The following UNC13B variants were observed in gnomAD, a reference collection of about 807,000 sequenced individuals.
The protein encoded by UNC13B is protein unc-13 homolog B.
A neutral mutation model predicts 211.0 loss-of-function variants in UNC13B; 144 were observed. That is an observed-to-expected ratio of 0.68 (90% CI 0.60 to 0.78). The LOEUF is 0.78. Among genes scored for constraint, UNC13B ranks in the 30% least tolerant of loss-of-function variants. The pLI is 0.00. For synonymous variants in UNC13B, 709 were observed against 725.8 expected (o/e 0.98, Z 0.37); for missense variants, 1,777 against 2,002.0 (o/e 0.89, Z 2.14).
chr9:35,352,555 G>A, intron 11 of UNC13B: 2 of 1,232,136 alleles, frequency 1.6e-6, no homozygotes, highest in Middle Eastern at 3.1e-4. Context: ...TTCTTCAGAT[G>A]GAAACAGGGG....
intron 11 of UNC13B, among the ~76,000 whole-genome samples, chr9:35,328,342 T>C (rs1831138597): frequency 1.3e-5 from 2 of 152,210 alleles, no homozygotes; most frequent in South Asian, 2.1e-4. Flanking sequence ...CTTTTAAACA[T>C]GAGCAAAGTC....
chr9:35,317,782 C>G (rs1830540687), intron 11 of UNC13B, among the ~76,000 whole-genome samples: 1 of 150,946 alleles, frequency 6.6e-6, no homozygotes, highest in Non-Finnish European at 1.5e-5. Flanking sequence ...AGTGATCCAC[C>G]TGGCTCAGCC....
At position 35,310,654 on chromosome 9, in the gene UNC13B, T is replaced by C. The variant is rs369798372; in HGVS notation, c.9196T>C (p.Leu3066=). 19 of 1,613,712 alleles carry C rather than the reference T, an allele frequency of 1.2e-5. No homozygotes were observed. The highest frequency in any genetic ancestry group is 1.4e-5 in the Non-Finnish European group (17 of 1,179,936). Residue 3066 remains leucine (L), a synonymous_variant, in exon 10 of 40, where the codon TTG becomes CTG. Coordinates refer to ENST00000635942, the MANE Select transcript of UNC13B (RefSeq NM_001371189.2). ...QAGFGEQEKP[L]EVTGQAEKEA... ...AGGTTTTGGAGAACAAGAGAAACCC[T>C]TGGAGGTGACAGGTCAAGCAGAGAA...
rs1195256411 is a variant in UNC13B, at chr9:35,213,347, C to T, written c.23-14668C>T. ...GTCTCCCCTGCATCTGGTATCAGGA[C>T]ACAGTGAGAGCGCAGCCATCTGCAA... On this transcript the variant is annotated intron_variant, in intron 1 of 39. Coordinates refer to ENST00000635942, the MANE Select transcript of UNC13B (RefSeq NM_001371189.2). 2.7e-5 allele frequency among the ~76,000 whole-genome samples: 4 copies of T among 149,748 alleles called. No homozygotes were observed. The Admixed American group carries it at 2.8e-4, about 10-fold the overall frequency.
At chr9:35,247,014 C>A (rs1454924001) in intron 6 of UNC13B, among the ~76,000 whole-genome samples, 1 of 152,152 alleles carries the variant, frequency 6.6e-6, no homozygotes. Context: ...TTGTTTATAT[C>A]CTTTTTTATT....
chr9:35,246,857 C>G (rs1043202169), intron 6 of UNC13B, among the ~76,000 whole-genome samples: 3 of 152,038 alleles, frequency 2.0e-5, no homozygotes, highest in African/African-American at 4.8e-5. Context: ...TCCATATGAA[C>G]TTTAAAGTAG....
chr9:35,227,935 T>TA, intron 1 of UNC13B, 80 bp from the exon 2 acceptor site: 1 of 1,196,758 alleles, frequency 8.4e-7, no homozygotes, highest in South Asian at 1.3e-5. Flanking sequence ...CTAACATTGG[T>TA]ATGTAGTGCC....
At chr9:35,263,232 A>G (rs553745369) in intron 7 of UNC13B, among the ~76,000 whole-genome samples, 6 of 152,290 alleles carry the variant, frequency 3.9e-5, no homozygotes, top group Non-Finnish European at 7.4e-5. Context: ...AAAATTTGAA[A>G]ATGACTTAAT....
chr9:35,245,085 C>T (rs1283613362), intron 6 of UNC13B, among the ~76,000 whole-genome samples: 1 of 152,152 alleles, frequency 6.6e-6, no homozygotes, highest in Non-Finnish European at 1.5e-5. Context: ...TGTTTTCGTT[C>T]TTCCCAAGCC....
intron 6 of UNC13B, among the ~76,000 whole-genome samples, chr9:35,253,498 C>T (rs949547046): frequency 5.3e-5 from 8 of 152,032 alleles, no homozygotes; most frequent in Admixed American, 5.2e-4. Flanking sequence ...TAAAAGGAAA[C>T]CCATGTGTAT....
chr9:35,268,488 G>A (rs1049356364), intron 7 of UNC13B, among the ~76,000 whole-genome samples: 2 of 152,126 alleles, frequency 1.3e-5, no homozygotes, highest in African/African-American at 2.4e-5. Flanking sequence ...GTGTGGTGGC[G>A]GGCACCTGTA....
At chr9:35,277,735 A>G (rs1432592372) in intron 7 of UNC13B, among the ~76,000 whole-genome samples, 1 of 151,678 alleles carries the variant, frequency 6.6e-6, no homozygotes, top group African/African-American at 2.4e-5. Flanking sequence ...CACAACCTAG[A>G]CTCAAGTCCG....
chr9:35,374,723 C>T (rs1045131844), intron 13 of UNC13B, among the ~76,000 whole-genome samples: 3 of 152,194 alleles, frequency 2.0e-5, no homozygotes, highest in African/African-American at 7.2e-5. Context: ...TCCATAATGG[C>T]TCTTGAATGT....
At chr9:35,226,856 G>T (rs1475932610) in intron 1 of UNC13B, among the ~76,000 whole-genome samples, 1 of 151,292 alleles carries the variant, frequency 6.6e-6, no homozygotes, top group African/African-American at 2.5e-5. Context: ...ACACAGCCAG[G>T]AACAATACTT....
chr9:35,352,171 C>A lies in UNC13B; in HGVS notation c.9415-14776C>A, dbSNP rs1442456678. The A allele has an allele frequency of 5.7e-6, 7 of 1,232,048 alleles. 1 individual carries two copies. The African/African-American group carries it at 1.1e-4, about 19-fold the overall frequency. 76.3% of individuals were successfully genotyped at this position (1,232,048 alleles called of 1,614,324 possible). The stretch of plus-strand genomic sequence containing the variant: ...CCCAGGAACCCCACGTGGACAGACC[C>A]AGTGAGGAAGCCATTCTGTATTTGT... On this transcript the variant is annotated intron_variant, in intron 11 of 39. Coordinates refer to ENST00000635942, the MANE Select transcript of UNC13B (RefSeq NM_001371189.2).
In UNC13B at chr9:35,389,903, C is replaced by T. The variant is rs571556968; in HGVS notation, c.11152C>T (p.Pro3718Ser). 2 of 1,614,126 alleles carry T rather than the reference C, an allele frequency of 1.2e-6. No individual in the cohort carries two copies. Among genetic ancestry groups the T allele is most frequent in the African/African-American group, 2.7e-5 (2 of 75,020 alleles). Reference protein sequence around the residue: ...GPSIRNLDFWPKLITLIVSII... With the variant: ...GPSIRNLDFWSKLITLIVSII... ...CAGCATTCGGAACCTGGATTTCTGG[C>T]CCAAGCTCATCACACTCATCGTGTC... is the stretch of plus-strand genomic sequence containing the variant. The change falls in exon 25 of 40, where the codon CCC (proline) becomes TCC (serine). Residue 3718 changes from proline to serine, a missense_variant. Pro to Ser is a moderately conservative substitution (Grantham distance 74). Transcript: ENST00000635942.
chr9:35,237,518 A>G (rs1259572060), intron 4 of UNC13B, among the ~76,000 whole-genome samples, 185 bp from the exon 5 acceptor site: 2 of 152,098 alleles, frequency 1.3e-5, no homozygotes, highest in East Asian at 1.9e-4. Flanking sequence ...TGCTCTCCCC[A>G]CCAAAGAGGG....
At chr9:35,209,765 C>T (rs540130275) in intron 1 of UNC13B, among the ~76,000 whole-genome samples, 23 of 152,282 alleles carry the variant, frequency 1.5e-4, no homozygotes, top group Admixed American at 5.9e-4. Flanking sequence ...CTTCTTTTCC[C>T]TACATCATTC....
At chr9:35,330,255 A>G (rs1257577785) in intron 11 of UNC13B, among the ~76,000 whole-genome samples, 1 of 152,240 alleles carries the variant, frequency 6.6e-6, no homozygotes, top group Non-Finnish European at 1.5e-5. Context: ...CCAGCCTCCT[A>G]GTACTTTCCA....
Sources: gnomAD v4.1 joint callset for allele counts (sites outside exome capture counted in the v4.1 genomes callset) on GRCh38, gnomAD v4.1.1 for gene constraint, MANE v1.5 for transcripts, NCBI Gene and HGNC (gene_info 2026-07-23, HGNC 2026-07-21) for gene names.